SORCS1: variants seen among roughly 807,000 people sequenced by gnomAD.
SORCS1 encodes VPS10 domain-containing receptor SorCS1.
A neutral mutation model predicts 146.1 loss-of-function variants in SORCS1; 60 were observed. The observed-to-expected ratio is 0.41, with a 90% CI of 0.33 to 0.51. The LOEUF is 0.51. Among genes scored for constraint, SORCS1 ranks in the 20% least tolerant of loss-of-function variants. SORCS1 has a pLI of 0.21. For missense variants in SORCS1, 1,352 were observed against 1,487.6 expected (o/e 0.91, Z 1.50); for synonymous variants, 637 against 584.0 (o/e 1.09, Z -1.31).
intron 1 of SORCS1, among the ~76,000 whole-genome samples, chr10:107,162,756 T>C (rs1205541043): frequency 6.6e-6 from 1 of 152,212 alleles, no homozygotes; most frequent in East Asian, 1.9e-4. Context: ...CTCACTAAAG[T>C]GGCACTTCTC....
At chr10:106,895,081 C>A (rs2137960816) in intron 2 of SORCS1, among the ~76,000 whole-genome samples, 1 of 152,290 alleles carries the variant, frequency 6.6e-6, no homozygotes, top group Non-Finnish European at 1.5e-5. Context: ...TGTACTCACC[C>A]TACTTCATCT....
chr10:106,796,016 C>A (rs575210979), intron 3 of SORCS1, among the ~76,000 whole-genome samples: 35 of 152,236 alleles, frequency 2.3e-4, no homozygotes, highest in African/African-American at 8.4e-4. Flanking sequence ...AGGTTATGAA[C>A]AAATCAAATT....
intron 2 of SORCS1, among the ~76,000 whole-genome samples, chr10:106,946,389 A>T (rs754707094): frequency 6.6e-6 from 1 of 152,162 alleles, no homozygotes; most frequent in Non-Finnish European, 1.5e-5. Context: ...CCCACATATC[A>T]AGGGAAGGAT....
intron 2 of SORCS1, among the ~76,000 whole-genome samples, chr10:106,871,276 G>T (rs1263526864): frequency 6.6e-6 from 1 of 152,190 alleles, no homozygotes; most frequent in Non-Finnish European, 1.5e-5. Context: ...TTCAACCGTT[G>T]TGGAAAGCAG....
intron 2 of SORCS1, among the ~76,000 whole-genome samples, chr10:106,887,461 T>C (rs527457273): frequency 6.6e-6 from 1 of 152,192 alleles, no homozygotes; most frequent in South Asian, 2.1e-4. Flanking sequence ...TAAGTTCAAA[T>C]ATAACCTCAG....
chr10:106,871,272 C>T (rs1047958259), intron 2 of SORCS1, among the ~76,000 whole-genome samples: 12 of 152,270 alleles, frequency 7.9e-5, no homozygotes, highest in Middle Eastern at 3.4e-3. Flanking sequence ...CTAGTTCAAC[C>T]GTTGTGGAAA....
intron 1 of SORCS1, among the ~76,000 whole-genome samples, chr10:107,021,529 A>G (rs1164371741): frequency 2.0e-4 from 30 of 150,278 alleles, no homozygotes; most frequent in African/African-American, 7.3e-4. Flanking sequence ...AAAAAAAAAA[A>G]AAAAAAAAAA....
intron 4 of SORCS1, among the ~76,000 whole-genome samples, chr10:106,763,789 A>T (rs1859333287): frequency 6.6e-6 from 1 of 152,206 alleles, no homozygotes; most frequent in Non-Finnish European, 1.5e-5. Flanking sequence ...AATTCTCTTA[A>T]TAGCCTTTCA....
chr10:106,753,747 T>A (rs1437199956), intron 5 of SORCS1, among the ~76,000 whole-genome samples: 2 of 151,298 alleles, frequency 1.3e-5, no homozygotes, highest in African/African-American at 4.9e-5. Flanking sequence ...ATAAAGTATC[T>A]GCCAGTGTAG....
chr10:107,167,970 G>T (rs990847319), upstream of SORCS1, among the ~76,000 whole-genome samples: 1 of 152,026 alleles, frequency 6.6e-6, no homozygotes, highest in African/African-American at 2.4e-5. Flanking sequence ...TCTTTCAAAA[G>T]GATAAAAAAT....
At chr10:106,935,496 T>C (rs908870333) in intron 2 of SORCS1, among the ~76,000 whole-genome samples, 10 of 152,220 alleles carry the variant, frequency 6.6e-5, no homozygotes, top group Non-Finnish European at 1.5e-4. Flanking sequence ...TTATAATGGA[T>C]ACATTTTTTA....
At chr10:106,832,531 C>T (rs1391852558) in intron 2 of SORCS1, among the ~76,000 whole-genome samples, 1 of 151,986 alleles carries the variant, frequency 6.6e-6, no homozygotes, top group Non-Finnish European at 1.5e-5. Flanking sequence ...CCATTCTTAT[C>T]TTAACCTCCT....
Position 106,944,688 on chromosome 10 carries a change from T to C in SORCS1, c.626+11825A>G, listed in dbSNP as rs147174495. Among the ~76,000 whole-genome samples, 1,134 of 152,186 alleles carry C rather than the reference T, an allele frequency of 7.5e-3. 19 individuals carry two copies. The highest frequency in any genetic ancestry group is 0.026 in the African/African-American group (1,080 of 41,510). On this transcript the variant is annotated intron_variant, in intron 2 of 25. Coordinates refer to ENST00000263054, the MANE Select transcript of SORCS1 (RefSeq NM_052918.5). ...TTGCCAAATTTCACCTGAATACCTT[T>C]GTGCCAGGCAATTTCCTGGACACAG...
chr10:106,988,549 T>G (rs1254726624), intron 1 of SORCS1, among the ~76,000 whole-genome samples: 2 of 152,154 alleles, frequency 1.3e-5, no homozygotes, highest in African/African-American at 4.8e-5. Context: ...TCTTACTTTT[T>G]TTTTTTAGAA....
rs1278802440 is a variant in SORCS1 at position 107,034,684 on chromosome 10, A to AAAAAAAAC, written c.559-78105_559-78104insGTTTTTTT. Among the ~76,000 whole-genome samples the AAAAAAAAC allele has an allele frequency of 6.3e-4, 86 of 136,110 alleles. 5 individuals are homozygous for AAAAAAAAC. The highest frequency in any genetic ancestry group is 7.5e-3 in the Middle Eastern group (2 of 266). 89.3% of individuals were successfully genotyped at this position (136,110 alleles called of 152,430 possible). ...AACATGAGCGAAACTCCATCTCAAA[A>AAAAAAAAC]AAAAAAAAAAAAAAAAAAAAAAACA... is the stretch of plus-strand genomic sequence containing the variant. On this transcript the variant is annotated intron_variant, in intron 1 of 25. Transcript: ENST00000263054.
chr10:106,654,138 T>C (rs1242706994), intron 17 of SORCS1, among the ~76,000 whole-genome samples: 2 of 152,216 alleles, frequency 1.3e-5, no homozygotes, highest in Non-Finnish European at 2.9e-5. Context: ...CTTCTTGTCT[T>C]CTCTAAGACA....
chr10:106,615,001 C>T (rs1847260523), intron 21 of SORCS1, among the ~76,000 whole-genome samples: 3 of 151,524 alleles, frequency 2.0e-5, no homozygotes, highest in Admixed American at 6.6e-5. Context: ...ACAAACCTTC[C>T]CCTGTCAATT....
intron 1 of SORCS1, among the ~76,000 whole-genome samples, chr10:106,961,609 G>T (rs1955227010): frequency 6.6e-6 from 1 of 152,148 alleles, no homozygotes; most frequent in Non-Finnish European, 1.5e-5. Flanking sequence ...TTATTTCCTG[G>T]TCCTGGCAGG....
chr10:107,125,924 T>C (rs890786880), intron 1 of SORCS1, among the ~76,000 whole-genome samples: 8 of 152,220 alleles, frequency 5.3e-5, no homozygotes, highest in African/African-American at 1.7e-4. Context: ...CTACCAATGC[T>C]TGTAAATTGG....
Sources: gnomAD v4.1 joint callset for allele counts (sites outside exome capture counted in the v4.1 genomes callset) on GRCh38, gnomAD v4.1.1 for gene constraint, MANE v1.5 for transcripts, NCBI Gene and HGNC (gene_info 2026-07-23, HGNC 2026-07-21) for gene names.